The following CHCHD6 variants were observed in gnomAD, a reference collection of about 807,000 sequenced individuals.
The protein encoded by CHCHD6 is MICOS complex subunit MIC25.
In CHCHD6, 28 loss-of-function variants were observed where a neutral mutation model predicts 32.3. That is an observed-to-expected ratio of 0.87 (90% CI 0.64 to 1.19). CHCHD6 has a LOEUF of 1.19. Ranked by LOEUF, CHCHD6 falls within the 50% of genes most tolerant of loss-of-function variation. CHCHD6 has a pLI of 0.00. For missense variants in CHCHD6, 333 were observed against 307.0 expected (o/e 1.08, Z -0.63); for synonymous variants, 122 against 117.5 (o/e 1.04, Z -0.25).
At chr3:126,754,426 C>A (rs1253647799) in intron 4 of CHCHD6, among the ~76,000 whole-genome samples, 1 of 152,212 alleles carries the variant, frequency 6.6e-6, no homozygotes, top group Non-Finnish European at 1.5e-5. Context: ...AGCCCCTAAG[C>A]CATGTACCTA....
rs114912509 is a variant in CHCHD6 at position 126,801,006 on chromosome 3, G to C, written c.412-51641G>C. Among the ~76,000 whole-genome samples the C allele has an allele frequency of 3.4e-3, 516 of 152,362 alleles. 3 individuals carry two copies. Among genetic ancestry groups the C allele is most frequent in the Admixed American group, 8.6e-3 (131 of 15,312 alleles). Reference sequence around the variant, plus strand: ...TTCTTAACTATAACGAGATGACTCTGTCAAGAGATATTTGATAACTTCCTC... The same window carrying C: ...TTCTTAACTATAACGAGATGACTCTCTCAAGAGATATTTGATAACTTCCTC... On this transcript the variant is annotated intron_variant, in intron 4 of 7. Coordinates refer to ENST00000290913, the MANE Select transcript of CHCHD6 (RefSeq NM_032343.3).
At chr3:126,876,424 G>A (rs540492849) in intron 5 of CHCHD6, among the ~76,000 whole-genome samples, 9 of 152,226 alleles carry the variant, frequency 5.9e-5, no homozygotes, top group Admixed American at 2.6e-4. Flanking sequence ...TGGGAATTGT[G>A]TGTGAGTTAA....
chr3:126,705,328 C>T (rs969155678), intron 1 of CHCHD6, among the ~76,000 whole-genome samples: 1 of 152,166 alleles, frequency 6.6e-6, no homozygotes. Context: ...GGCTAAGGTT[C>T]CTGTCTGATT....
chr3:126,910,465 C>A (rs1291694481), intron 5 of CHCHD6, among the ~76,000 whole-genome samples: 1 of 152,158 alleles, frequency 6.6e-6, no homozygotes, highest in Non-Finnish European at 1.5e-5. Flanking sequence ...CCATGCACAG[C>A]CCTGTGGCAG....
chr3:126,805,565 T>C (rs1939326430), intron 4 of CHCHD6, among the ~76,000 whole-genome samples: 1 of 152,078 alleles, frequency 6.6e-6, no homozygotes, highest in East Asian at 1.9e-4. Context: ...TACAAACAAA[T>C]GGAAGAACAT....
intron 5 of CHCHD6, among the ~76,000 whole-genome samples, chr3:126,880,042 G>A (rs2077588492): frequency 6.6e-6 from 1 of 152,154 alleles, no homozygotes; most frequent in Admixed American, 6.5e-5. Flanking sequence ...GGAGGATGAA[G>A]GAACAGAAAA....
At chr3:126,861,504 T>G (rs1357971946) in intron 5 of CHCHD6, among the ~76,000 whole-genome samples, 1 of 151,610 alleles carries the variant, frequency 6.6e-6, no homozygotes, top group Non-Finnish European at 1.5e-5. Context: ...CCCCTGCCCC[T>G]GCCACTGCCA....
At chr3:126,957,849 G>C (rs769383403) in intron 7 of CHCHD6, 1 of 492,782 alleles carries the variant, frequency 2.0e-6, no homozygotes, top group African/African-American at 1.9e-5. Flanking sequence ...TTCAAGGGCC[G>C]GGCCCCTTGT....
rs200361310 is a variant in CHCHD6 at position 126,910,287 on chromosome 3, C to A, written c.496-4393C>A. Among the ~76,000 whole-genome samples the A allele has an allele frequency of 1.1e-3, 165 of 145,738 alleles. 1 individual carries two copies. The highest frequency in any genetic ancestry group is 3.0e-3 in the African/African-American group (122 of 40,198). On this transcript the variant is annotated intron_variant, in intron 5 of 7. Transcript: ENST00000290913. ...CCCTGCCTCAGGAAAAAAAAAAAAA[C>A]AAAAAAAACAAATCTTCCCTGCCCC...
intron 4 of CHCHD6, among the ~76,000 whole-genome samples, chr3:126,833,911 G>A (rs1165709182): frequency 2.0e-5 from 3 of 151,272 alleles, no homozygotes; most frequent in South Asian, 2.1e-4. Context: ...AAAAATAGCC[G>A]GGCGTAGTGG....
At chr3:126,809,048 T>A (rs768536976) in intron 4 of CHCHD6, among the ~76,000 whole-genome samples, 3 of 151,962 alleles carry the variant, frequency 2.0e-5, no homozygotes, top group Non-Finnish European at 2.9e-5. Flanking sequence ...CTCAGCTCAC[T>A]GCAGCCTCCA....
At chr3:126,758,548 A>G (rs759830788) in intron 4 of CHCHD6, among the ~76,000 whole-genome samples, 4 of 152,252 alleles carry the variant, frequency 2.6e-5, no homozygotes, top group Non-Finnish European at 4.4e-5. Context: ...CATGGGATGC[A>G]TGTGGGATCT....
intron 4 of CHCHD6, among the ~76,000 whole-genome samples, chr3:126,778,465 T>C (rs1937762463): frequency 6.6e-6 from 1 of 152,256 alleles, no homozygotes; most frequent in Non-Finnish European, 1.5e-5. Context: ...TCCTAGTGGA[T>C]GTGATGTGGT....
chr3:126,935,398 CT>C (rs2078465387), intron 6 of CHCHD6, among the ~76,000 whole-genome samples: 1 of 152,232 alleles, frequency 6.6e-6, no homozygotes, highest in African/African-American at 2.4e-5. Context: ...CCCAGAATAA[CT>C]AGTCTGGAAG....
intron 4 of CHCHD6, among the ~76,000 whole-genome samples, chr3:126,818,034 G>A (rs548902320): frequency 6.6e-6 from 1 of 152,254 alleles, no homozygotes; most frequent in South Asian, 2.1e-4. Context: ...ACAGAGTTGG[G>A]TGATGGCCGC....
intron 4 of CHCHD6, among the ~76,000 whole-genome samples, chr3:126,799,616 G>A (rs778765277): frequency 6.6e-6 from 1 of 152,122 alleles, no homozygotes; most frequent in Admixed American, 6.5e-5. Flanking sequence ...AGCTCGCATC[G>A]CCCCACATTC....
intron 4 of CHCHD6, chr3:126,780,386 G>T (rs1481355440): frequency 7.2e-6 from 3 of 416,338 alleles, no homozygotes; most frequent in Non-Finnish European, 9.5e-6. Flanking sequence ...CCAATAAAAA[G>T]GCTCCATCAC....
chr3:126,812,042 G>A (rs1192884805), intron 4 of CHCHD6, among the ~76,000 whole-genome samples: 3 of 151,786 alleles, frequency 2.0e-5, no homozygotes, highest in Non-Finnish European at 2.9e-5. Context: ...TATTAGAAGA[G>A]GAAAAACTCA....
intron 6 of CHCHD6, among the ~76,000 whole-genome samples, chr3:126,937,483 A>G (rs1419161236): frequency 2.6e-5 from 4 of 152,204 alleles, no homozygotes; most frequent in Non-Finnish European, 5.9e-5. Context: ...AATGCCAGAC[A>G]GTGCTGGTCT....
Sources: gnomAD v4.1 joint callset for allele counts (sites outside exome capture counted in the v4.1 genomes callset) on GRCh38, gnomAD v4.1.1 for gene constraint, MANE v1.5 for transcripts, NCBI Gene and HGNC (gene_info 2026-07-23, HGNC 2026-07-21) for gene names.